MGAM2: variants seen among roughly 807,000 people sequenced by gnomAD.
MGAM2 encodes the protein probable maltase-glucoamylase 2.
In MGAM2, 98 loss-of-function variants were observed where a neutral mutation model predicts 96.1. The observed-to-expected ratio is 1.02, with a 90% CI of 0.87 to 1.21. The LOEUF is 1.21. MGAM2 is among the 50% of genes most tolerant of loss of function. MGAM2 has a pLI of 0.00. For missense variants in MGAM2, 2,055 were observed against 1,182.4 expected, an observed-to-expected ratio of 1.74 and a Z score of -10.82; for synonymous variants, 749 against 414.8, an observed-to-expected ratio of 1.81 and a Z score of -9.79.
rs1266721521 is a variant in MGAM2 at position 142,148,244 on chromosome 7, C to G, written c.1634+671C>G. Among the ~76,000 whole-genome samples, 1 of 151,844 alleles carries G rather than the reference C, an allele frequency of 6.6e-6. No homozygotes were observed. The highest frequency in any genetic ancestry group is 1.5e-5 in the Non-Finnish European group (1 of 67,972). On this transcript the variant is annotated intron_variant, in intron 15 of 47. Transcript: ENST00000477922. This position sits in a 1 kb window ranked among gnomAD's most constrained non-coding sequence, Gnocchi z 4.2. ...CCACTACTATCACCATCACCACCACCACAGTTATCACCACCATCCCCCCCA... is the reference window on the plus strand; with the variant it reads ...CCACTACTATCACCATCACCACCACGACAGTTATCACCACCATCCCCCCCA...
intron 17 of MGAM2, among the ~76,000 whole-genome samples, chr7:142,156,465 G>A (rs933006774): frequency 2.0e-5 from 3 of 152,142 alleles, no homozygotes; most frequent in Admixed American, 6.5e-5. Context: ...AAAAATTTAC[G>A]TTGATTCAGT....
At chr7:142,179,613 CA>C (rs1331337256) in intron 32 of MGAM2, among the ~76,000 whole-genome samples, 2 of 152,170 alleles carry the variant, frequency 1.3e-5, no homozygotes, top group Non-Finnish European at 2.9e-5. Context: ...TTGAAATTAT[CA>C]TATGGCTTTT....
chr7:142,150,004 C>T (rs1347212494), intron 15 of MGAM2, among the ~76,000 whole-genome samples: 1 of 151,496 alleles, frequency 6.6e-6, no homozygotes, highest in Non-Finnish European at 1.5e-5. Context: ...TGCAATGGCG[C>T]GATCTCAGCA....
Position 142,183,302 on chromosome 7 carries a change from C to T in MGAM2, c.3853C>T (p.Pro1285Ser). ...TTCTGGCAATGAGACACAGTATCTC[C>T]CATTCATTAGAGGACAGGAAAATAA... ...AISGNETQYLPFIRGQENNVF... is the reference protein window; with the variant it reads ...AISGNETQYLSFIRGQENNVF... The change falls in exon 33 of 48, where the codon CCA becomes TCA. Residue 1285 changes from proline to serine, a missense_variant. Coordinates refer to ENST00000477922, the MANE Select transcript of MGAM2 (RefSeq NM_001293626.2). 1.4e-6 allele frequency: 1 copy of T among 703,538 alleles called. No homozygotes were observed. The highest frequency in any genetic ancestry group is 2.7e-5 in the East Asian group (1 of 37,262). 43.6% of individuals were successfully genotyped at this position (703,538 alleles called of 1,614,324 possible). A position where few individuals can be genotyped will look rare whatever the true frequency, so the allele number is the denominator to read the frequency against.
chr7:142,145,914 G>A (rs2129082151), intron 14 of MGAM2, among the ~76,000 whole-genome samples: 1 of 152,224 alleles, frequency 6.6e-6, no homozygotes, highest in Non-Finnish European at 1.5e-5. Context: ...GACATGTTGG[G>A]CACCCGAACA....
At position 142,221,380 on chromosome 7, in the gene MGAM2, C is replaced by T; in HGVS notation, c.6869C>T (p.Thr2290Ile). ...TTSNNTNPGMTTYYQTSPTIP... is the reference protein window; with the variant it reads ...TTSNNTNPGMITYYQTSPTIP... ...AGTAATAATACTAATCCTGGCATGA[C>T]TACTTATTACCAGACTTCTCCTACC... The change falls in exon 48 of 48, where the codon ACT (threonine) becomes ATT (isoleucine). Residue 2290 changes from threonine (T) to isoleucine (I), a missense_variant. By Grantham distance (89) the Thr-to-Ile change is moderately conservative. Transcript: ENST00000477922. The T allele has an allele frequency of 3.3e-6, 2 of 609,010 alleles. No individual in the cohort carries two copies. Among genetic ancestry groups the T allele is most frequent in the Non-Finnish European group, 2.9e-6 (1 of 341,964 alleles). 37.7% of individuals were successfully genotyped at this position (609,010 alleles called of 1,614,324 possible). A position where few individuals can be genotyped will look rare whatever the true frequency, so the allele number is the denominator to read the frequency against.
At chr7:142,197,258 A>T in intron 40 of MGAM2, 142 bp from the exon 41 acceptor site, 1 of 605,652 alleles carries the variant, frequency 1.7e-6, no homozygotes, top group East Asian at 2.7e-5. Context: ...GGTGGCAGAG[A>T]TGGGGGAAAG....
At chr7:142,199,328 TA>T (rs1797146719) in intron 44 of MGAM2, among the ~76,000 whole-genome samples, 1 of 152,220 alleles carries the variant, frequency 6.6e-6, no homozygotes, top group Non-Finnish European at 1.5e-5. Flanking sequence ...ACATGGTTTA[TA>T]TGAAAGAGGG....
intron 47 of MGAM2, among the ~76,000 whole-genome samples, chr7:142,218,789 T>C (rs923416547): frequency 6.6e-6 from 1 of 152,162 alleles, no homozygotes; most frequent in Admixed American, 6.6e-5. Flanking sequence ...TCCATGTATT[T>C]ACCAAAGAGA....
chr7:142,197,557 A>T lies in MGAM2; in HGVS notation c.4781+9A>T, dbSNP rs558413289. ...CGGCCCCTTCTCCATGAGTGAGTACAGCCTCTTTCCCCAAGCATGTCTTGC... is the reference window on the plus strand; with the variant it reads ...CGGCCCCTTCTCCATGAGTGAGTACTGCCTCTTTCCCCAAGCATGTCTTGC... On this transcript the variant is annotated intron_variant, in intron 41 of 47. Transcript: ENST00000477922. 4.3e-6 allele frequency: 3 copies of T among 703,214 alleles called. No homozygotes were observed. The highest frequency in any genetic ancestry group is 7.8e-6 in the Non-Finnish European group (3 of 385,012). 43.6% of individuals were successfully genotyped at this position (703,214 alleles called of 1,614,324 possible). A position where few individuals can be genotyped will look rare whatever the true frequency, so the allele number is the denominator to read the frequency against.
At chr7:142,186,825 A>G (rs1447523622) in intron 35 of MGAM2, among the ~76,000 whole-genome samples, 1 of 152,210 alleles carries the variant, frequency 6.6e-6, no homozygotes, top group Admixed American at 6.5e-5. Flanking sequence ...CTCCCTGACC[A>G]CCCGCACCTT....
intron 33 of MGAM2, 30 bp downstream of exon 33, chr7:142,183,403 A>T (rs1275147045): frequency 1.4e-6 from 1 of 698,594 alleles, no homozygotes; most frequent in Non-Finnish European, 2.6e-6. Context: ...CTTACAGTTA[A>T]TTAACATTAC....
intron 7 of MGAM2, 27 bp from the exon 8 acceptor site, chr7:142,136,512 CTA>C (rs886674263): frequency 1.1e-5 from 7 of 648,998 alleles, no homozygotes; most frequent in African/African-American, 7.3e-5. Flanking sequence ...ACACATAACA[CTA>C]TGACTTTTCT....
At chr7:142,186,648 A>G (rs1358296460) in intron 35 of MGAM2, among the ~76,000 whole-genome samples, 1 of 152,226 alleles carries the variant, frequency 6.6e-6, no homozygotes, top group Non-Finnish European at 1.5e-5. Flanking sequence ...GTCCAAGGGC[A>G]GCTCTATCTA....
intron 2 of MGAM2, among the ~76,000 whole-genome samples, chr7:142,118,191 C>A (rs1817482897): frequency 6.6e-6 from 1 of 152,150 alleles, no homozygotes; most frequent in Non-Finnish European, 1.5e-5. Context: ...TAACTCCTGA[C>A]AACTACCATT....
intron 2 of MGAM2, among the ~76,000 whole-genome samples, chr7:142,119,478 T>C (rs10248368): frequency 0.17 from 25,316 of 152,146 alleles, 2,463 homozygotes; most frequent in East Asian, 0.36. Context: ...TGTGGTTACT[T>C]TGGAAAACTT....
intron 32 of MGAM2, among the ~76,000 whole-genome samples, chr7:142,177,391 G>A (rs1796411458): frequency 6.6e-6 from 1 of 152,160 alleles, no homozygotes; most frequent in Non-Finnish European, 1.5e-5. Context: ...CAACACATGA[G>A]AATTCAGGAT....
In MGAM2 at chr7:142,150,654, C is replaced by T. The variant is rs530503908; in HGVS notation, c.1634+3081C>T. 5.9e-5 allele frequency among the ~76,000 whole-genome samples: 9 copies of T among 152,226 alleles called. No homozygotes were observed. In the South Asian group the frequency reaches 1.5e-3, roughly 25 times the overall value. Reference sequence around the variant, plus strand: ...TATCAAGATCCCTGGGTGTATTGAACGTATGTTAAAATCTAGAAAGCACTG... The same window carrying T: ...TATCAAGATCCCTGGGTGTATTGAATGTATGTTAAAATCTAGAAAGCACTG... On this transcript the variant is annotated intron_variant, in intron 15 of 47. Transcript: ENST00000477922.
chr7:142,122,977 G>A (rs1794628298), intron 3 of MGAM2, among the ~76,000 whole-genome samples: 1 of 151,888 alleles, frequency 6.6e-6, no homozygotes, highest in African/African-American at 2.4e-5. Flanking sequence ...CTACAGGCAT[G>A]CACCACCATG....
Sources: gnomAD v4.1 joint callset for allele counts (sites outside exome capture counted in the v4.1 genomes callset) on GRCh38, gnomAD v4.1.1 for gene constraint, Gnocchi (gnomAD v3.1) non-coding constraint, MANE v1.5 for transcripts, NCBI Gene and HGNC (gene_info 2026-07-23, HGNC 2026-07-21) for gene names.